CHRM1: variants seen among roughly 807,000 people sequenced by gnomAD.
CHRM1 encodes the protein muscarinic acetylcholine receptor M1.
Under a neutral mutation model 31.6 loss-of-function variants are expected in CHRM1, and 5 were observed. The ratio of observed to expected loss-of-function variants is 0.16; its 90% CI spans 0.08 to 0.33. The LOEUF is 0.33. Among genes scored for constraint, CHRM1 ranks in the 10% least tolerant of loss-of-function variants. CHRM1 has a pLI of 1.00. For synonymous variants in CHRM1, 227 were observed against 249.7 expected (o/e 0.91, Z 0.86); for missense variants, 338 against 610.3 (o/e 0.55, Z 4.70).
At chr11:62,911,391 G>A (rs541964332) in intron 1 of CHRM1, among the ~76,000 whole-genome samples, 1 of 152,284 alleles carries the variant, frequency 6.6e-6, no homozygotes, top group South Asian at 2.1e-4. Context: ...GGGATCCAGG[G>A]ATTTGAATCT....
At chr11:62,919,795 C>T (rs1381733589) in intron 1 of CHRM1, among the ~76,000 whole-genome samples, 2 of 152,174 alleles carry the variant, frequency 1.3e-5, no homozygotes, top group Admixed American at 6.5e-5. Context: ...GCTGAGGATG[C>T]GGAGAAGGGG....
chr11:62,909,823 C>T lies in CHRM1; in HGVS notation c.1278G>A (p.Arg426=), dbSNP rs746892920. 2.4e-5 allele frequency: 38 copies of T among 1,614,108 alleles called. No homozygotes were observed. The Middle Eastern group carries it at 1.3e-3, about 56-fold the overall frequency. ...AAAGCAGCAGCAGGCGAAAGGTGTC[C>T]CGGAAGGCTTTGTTGCAGAGTGCGT... ...MCYALCNKAF[R]DTFRLLLLCR... is the part of the protein sequence containing the mutation. The change falls in exon 2 of 2, where the codon CGG becomes CGA. Residue 426 remains arginine (R), a synonymous_variant. Coordinates refer to ENST00000306960, the MANE Select transcript of CHRM1 (RefSeq NM_000738.3).
At position 62,910,070 on chromosome 11, in the gene CHRM1, C is replaced by T. The variant is rs779787738; in HGVS notation, c.1031G>A (p.Arg344His). 17 of 1,613,120 alleles carry T rather than the reference C, an allele frequency of 1.1e-5. No individual in the cohort carries two copies. Among genetic ancestry groups the T allele is most frequent in the African/African-American group, 5.3e-5 (4 of 75,044 alleles). The stretch of plus-strand genomic sequence containing the variant: ...CCGCTTGGCCAGCTGCTCCTTTCCA[C>T]GGGGCTTCTGGCCCTTGCCAGCTCG... ...RDRAGKGQKP[R>H]GKEQLAKRKT... Residue 344 changes from arginine to histidine, a missense_variant, in exon 2 of 2, where the codon CGT (arginine) becomes CAT (histidine). Coordinates refer to ENST00000306960, the MANE Select transcript of CHRM1 (RefSeq NM_000738.3). The surrounding 1 kb of genome is among the most constrained non-coding windows in gnomAD (Gnocchi z 8.7).
chr11:62,911,166 G>T lies in CHRM1; in HGVS notation c.-66C>A. The T allele has an allele frequency of 6.8e-7, 1 of 1,477,214 alleles. No homozygotes were observed. The highest frequency in any genetic ancestry group is 2.3e-5 in the East Asian group (1 of 43,664). The allele number at this position is 1,477,214 out of a possible 1,614,324, so 91.5% of individuals were successfully genotyped here. A position where few individuals can be genotyped will look rare whatever the true frequency, so the allele number is the denominator to read the frequency against. On this transcript the variant is annotated 5_prime_UTR_variant, in exon 2 of 2. Coordinates refer to ENST00000306960, the MANE Select transcript of CHRM1 (RefSeq NM_000738.3). ...AGGCACGCTACAGGGCTTCCTCAGG[G>T]GAAAGTCATCACCTGAAAAGAGAGG... is the stretch of plus-strand genomic sequence containing the variant.
At chr11:62,917,951 G>A (rs927468068) in intron 1 of CHRM1, 8 of 151,962 alleles carry the variant, frequency 5.3e-5, no homozygotes, top group African/African-American at 1.9e-4. Flanking sequence ...GTTTGCAAAA[G>A]GCCTAACCTG....
chr11:62,911,328 A>G (rs2085870160), intron 1 of CHRM1, 150 bp from the exon 2 acceptor site: 2 of 556,148 alleles, frequency 3.6e-6, no homozygotes, highest in Admixed American at 3.3e-5. Flanking sequence ...ATGGTCATTT[A>G]TCATGCACTT....
At chr11:62,913,092 AT>A (rs58019448) in intron 1 of CHRM1, among the ~76,000 whole-genome samples, 18,747 of 152,180 alleles carry the variant, frequency 0.12, 1,466 homozygotes, top group Admixed American at 0.27. Flanking sequence ...ATGAGGGGGC[AT>A]GTGCAACCTG....
Position 62,910,202 on chromosome 11 carries a change from A to G in CHRM1, c.899T>C (p.Val300Ala), listed in dbSNP as rs2085861613. Residue 300 changes from valine (V) to alanine (A), a missense_variant, in exon 2 of 2, where the codon GTG (valine) becomes GCG (alanine). By Grantham distance (64) the Val-to-Ala change is moderately conservative. Around this residue, in one of 4 missense-constraint regions of CHRM1, gnomAD observed 183 missense variants for 223.4 expected, o/e 0.82. Transcript: ENST00000306960. This position sits in a 1 kb window ranked among gnomAD's most constrained non-coding sequence, Gnocchi z 8.7. The stretch of plus-strand genomic sequence containing the variant: ...GTCCACCATTGGCATCTTGATCACC[A>G]CTTCGGAGCCAGGCTCCTCTCCCTC... ...SSEGEEPGSE[V>A]VIKMPMVDPE... The G allele has an allele frequency of 6.2e-7, 1 of 1,604,408 alleles. No homozygotes were observed. Among genetic ancestry groups the G allele is most frequent in the Non-Finnish European group, 8.5e-7 (1 of 1,175,756 alleles).
At chr11:62,914,411 T>A (rs2085889655) in intron 1 of CHRM1, among the ~76,000 whole-genome samples, 1 of 152,222 alleles carries the variant, frequency 6.6e-6, no homozygotes, top group South Asian at 2.1e-4. Flanking sequence ...AGTTTGCTAA[T>A]TCGAATTCTA....
rs920811917 is a variant in CHRM1 at position 62,909,622 on chromosome 11, C to A, written c.*96G>T. On this transcript the variant is annotated 3_prime_UTR_variant, in exon 2 of 2. Transcript: ENST00000306960. ...CAGGGTCCTGGGAAGCCAGGTGAGG[C>A]CTGAGCAGGGCCCTGGGGCTGAGGA... is the stretch of plus-strand genomic sequence containing the variant. 1.8e-5 allele frequency: 27 copies of A among 1,462,730 alleles called. No homozygotes were observed. The African/African-American group carries it at 3.1e-4, about 17-fold the overall frequency. 90.6% of individuals were successfully genotyped at this position (1,462,730 alleles called of 1,614,324 possible).
rs772348705 is a variant in CHRM1 at position 62,909,811 on chromosome 11, G to A, written c.1290C>T (p.Arg430=). ...TGTCCCAGCGGCAAAGCAGCAGCAG[G>A]CGAAAGGTGTCCCGGAAGGCTTTGT... is the stretch of plus-strand genomic sequence containing the variant. The part of the protein sequence containing the change: ...LCNKAFRDTF[R]LLLLCRWDKR... Residue 430 remains arginine, a synonymous_variant, in exon 2 of 2, where the codon CGC becomes CGT. Coordinates refer to ENST00000306960, the MANE Select transcript of CHRM1 (RefSeq NM_000738.3). The A allele has an allele frequency of 2.5e-6, 4 of 1,614,156 alleles. No individual in the cohort carries two copies. In the African/African-American group the frequency reaches 4.0e-5, roughly 16 times the overall value.
rs748587610 is a variant in CHRM1 at position 62,910,412 on chromosome 11, G to A, written c.689C>T (p.Thr230Met). Residue 230 changes from threonine to methionine, a missense_variant, in exon 2 of 2, where the codon ACG becomes ATG. Coordinates refer to ENST00000306960, the MANE Select transcript of CHRM1 (RefSeq NM_000738.3). The surrounding 1 kb of genome is among the most constrained non-coding windows in gnomAD (Gnocchi z 8.7). ...RELAALQGSE[T>M]PGKGGGSSSS... ...GCTGCTGCCACCCCCTTTGCCTGGC[G>A]TCTCGGAGCCCTGAAGGGCTGCCAG... The A allele has an allele frequency of 1.7e-5, 27 of 1,612,468 alleles. No homozygotes were observed. The highest frequency in any genetic ancestry group is 2.2e-5 in the East Asian group (1 of 44,874).
intron 1 of CHRM1, among the ~76,000 whole-genome samples, chr11:62,915,429 C>T (rs1175354412): frequency 1.3e-5 from 2 of 152,214 alleles, no homozygotes; most frequent in Non-Finnish European, 2.9e-5. Flanking sequence ...TCACTCACCT[C>T]ACCCTAATCC....
Position 62,909,521 on chromosome 11 carries a change from G to T in CHRM1, c.*197C>A. On this transcript the variant is annotated 3_prime_UTR_variant, in exon 2 of 2. Coordinates refer to ENST00000306960, the MANE Select transcript of CHRM1 (RefSeq NM_000738.3). ...AGGGAACAGAAAAACCAGTTCCCCG[G>T]GTTTCCCTCCCTGCCTGGGAATAGC... 1.6e-6 allele frequency: 1 copy of T among 632,676 alleles called. No individual in the cohort carries two copies. Among genetic ancestry groups the T allele is most frequent in the Non-Finnish European group, 2.7e-6 (1 of 371,034 alleles). The allele number at this position is 632,676 out of a possible 1,614,324, so 39.2% of individuals were successfully genotyped here. A position where few individuals can be genotyped will look rare whatever the true frequency, so the allele number is the denominator to read the frequency against.
intron 1 of CHRM1, among the ~76,000 whole-genome samples, chr11:62,911,936 A>C (rs933498499): frequency 6.6e-6 from 1 of 152,150 alleles, no homozygotes; most frequent in Admixed American, 6.5e-5. Flanking sequence ...GTGTGCGTGC[A>C]TGTATTTTTT....
In CHRM1 at chr11:62,909,802, C is replaced by T. The variant is rs1446211975; in HGVS notation, c.1299G>A (p.Leu433=). 6.2e-7 allele frequency: 1 copy of T among 1,614,144 alleles called. No individual in the cohort carries two copies. Among genetic ancestry groups the T allele is most frequent in the Non-Finnish European group, 8.5e-7 (1 of 1,180,040 alleles). Residue 433 remains leucine, a synonymous_variant, in exon 2 of 2, where the codon CTG becomes CTA. Coordinates refer to ENST00000306960, the MANE Select transcript of CHRM1 (RefSeq NM_000738.3). ...KAFRDTFRLL[L]LCRWDKRRWR... ...AGCGTCTCTTGTCCCAGCGGCAAAG[C>T]AGCAGCAGGCGAAAGGTGTCCCGGA...
At chr11:62,913,583 A>G (rs1352335333) in intron 1 of CHRM1, among the ~76,000 whole-genome samples, 3 of 151,580 alleles carry the variant, frequency 2.0e-5, no homozygotes, top group Non-Finnish European at 4.4e-5. Flanking sequence ...AGGCAGGAGA[A>G]TTGCTTGAAC....
chr11:62,911,150 A>T lies in CHRM1; in HGVS notation c.-50T>A, dbSNP rs370871151. ...GAGAGCCCCTTCCTCCAGGCACGCT[A>T]CAGGGCTTCCTCAGGGGAAAGTCAT... On this transcript the variant is annotated 5_prime_UTR_variant, in exon 2 of 2. Transcript: ENST00000306960. 1 of 1,563,220 alleles carries T rather than the reference A, an allele frequency of 6.4e-7. No individual in the cohort carries two copies.
intron 1 of CHRM1, among the ~76,000 whole-genome samples, chr11:62,916,256 G>A (rs1409282752): frequency 6.6e-6 from 1 of 152,130 alleles, no homozygotes; most frequent in Non-Finnish European, 1.5e-5. Context: ...TGGTGTCTGG[G>A]GAGATTTTAC....
Sources: gnomAD v4.1 joint callset for allele counts (sites outside exome capture counted in the v4.1 genomes callset) on GRCh38, gnomAD v4.1.1 for gene constraint, gnomAD v4.1.1 regional missense constraint, Gnocchi (gnomAD v3.1) non-coding constraint, MANE v1.5 for transcripts, NCBI Gene and HGNC (gene_info 2026-07-23, HGNC 2026-07-21) for gene names.